Variants in PCDHA13 observed in about 807,000 individuals in gnomAD.
The protein encoded by PCDHA13 is protocadherin alpha 13.
PCDHA13 carries 54 observed loss-of-function variants against 64.8 expected under a neutral mutation model. The observed-to-expected ratio is 0.83, with a 90% CI of 0.67 to 1.04. The LOEUF (loss-of-function observed/expected upper bound fraction) is 1.04. Among genes scored for constraint, PCDHA13 ranks in the 50% least tolerant of loss-of-function variants. PCDHA13 has a pLI of 0.00. For synonymous variants in PCDHA13, 587 were observed against 564.4 expected (o/e 1.04, Z -0.57); for missense variants, 1,248 against 1,254.3 (o/e 0.99, Z 0.08).
intron 3 of PCDHA13, among the ~76,000 whole-genome samples, chr5:140,986,987 G>A (rs1269328331): frequency 2.6e-5 from 4 of 152,114 alleles, no homozygotes; most frequent in Non-Finnish European, 4.4e-5. Flanking sequence ...GCCAAGGCAG[G>A]CAGATCACTT....
rs1443126988 is a variant in PCDHA13 at position 140,960,088 on chromosome 5, A to G, written c.2395-18861A>G. Among the ~76,000 whole-genome samples, 6 of 152,248 alleles carry G rather than the reference A, an allele frequency of 3.9e-5. No homozygotes were observed. The East Asian group carries it at 5.8e-4, about 15-fold the overall frequency. ...TTCAATTGAAGTTTCTAAAAGAGAA[A>G]GAAACTTGTAGTTGTGGGAACAATA... On this transcript the variant is annotated intron_variant, in intron 1 of 3. Coordinates refer to ENST00000289272, the MANE Select transcript of PCDHA13 (RefSeq NM_018904.3).
At position 140,883,890 on chromosome 5, in the gene PCDHA13, G is replaced by T. The variant is rs2153398485; in HGVS notation, c.1622G>T (p.Gly541Val). Residue 541 changes from glycine (G) to valine (V), a missense_variant, in exon 1 of 4, where the codon GGC (glycine) becomes GTC (valine). Physicochemically the swap from Gly to Val is moderately radical, Grantham distance 109. Coordinates refer to ENST00000289272, the MANE Select transcript of PCDHA13 (RefSeq NM_018904.3). ...LQFQVSARDSGVPPLGSNVTL... is the reference protein window; with the variant it reads ...LQFQVSARDSVVPPLGSNVTL... Reference sequence around the variant, plus strand: ...TTCCAGGTGAGCGCGCGCGACTCTGGCGTGCCGCCTCTGGGCAGCAACGTG... The same window carrying T: ...TTCCAGGTGAGCGCGCGCGACTCTGTCGTGCCGCCTCTGGGCAGCAACGTG... The T allele has an allele frequency of 6.2e-7, 1 of 1,613,462 alleles. No homozygotes were observed. Among genetic ancestry groups the T allele is most frequent in the Non-Finnish European group, 8.5e-7 (1 of 1,179,874 alleles).
At chr5:140,910,137 T>A (rs2074898699) in intron 1 of PCDHA13, among the ~76,000 whole-genome samples, 1 of 152,232 alleles carries the variant, frequency 6.6e-6, no homozygotes, top group Non-Finnish European at 1.5e-5. Flanking sequence ...CTGGTTTAAG[T>A]CTGGAAATTG....
At chr5:140,982,359 C>T in intron 2 of PCDHA13, 116 bp from the exon 3 acceptor site, 1 of 1,523,712 alleles carries the variant, frequency 6.6e-7, no homozygotes. Context: ...CAAGCATGAG[C>T]AGAATGTGTT....
At chr5:140,964,998 G>C (rs2095868277) in intron 1 of PCDHA13, among the ~76,000 whole-genome samples, 1 of 152,166 alleles carries the variant, frequency 6.6e-6, no homozygotes, top group Admixed American at 6.5e-5. Flanking sequence ...TTTGAATTCT[G>C]GGTGTCAGGA....
At chr5:140,995,155 A>T (rs2097666869) in intron 3 of PCDHA13, among the ~76,000 whole-genome samples, 2 of 152,194 alleles carry the variant, frequency 1.3e-5, no homozygotes, top group Non-Finnish European at 2.9e-5. Flanking sequence ...CTTTATATAC[A>T]TTATGTTCTT....
At chr5:140,929,386 GAA>G in intron 1 of PCDHA13, 1 of 1,511,328 alleles carries the variant, frequency 6.6e-7, no homozygotes, top group Non-Finnish European at 8.9e-7. Context: ...GCTGTGTTTT[GAA>G]ATATTTCTTA....
At chr5:141,008,863 C>A (rs902385521) in intron 3 of PCDHA13, among the ~76,000 whole-genome samples, 2 of 152,204 alleles carry the variant, frequency 1.3e-5, no homozygotes, top group African/African-American at 2.4e-5. Flanking sequence ...CTCTTCCATG[C>A]TGCATCCCAC....
At chr5:140,983,299 A>T (rs1554245269) in intron 3 of PCDHA13, among the ~76,000 whole-genome samples, 1 of 152,186 alleles carries the variant, frequency 6.6e-6, no homozygotes. Flanking sequence ...GCTTAAACTC[A>T]CATTTGCTTG....
At chr5:140,970,316 A>G (rs547261671) in intron 1 of PCDHA13, among the ~76,000 whole-genome samples, 1 of 152,342 alleles carries the variant, frequency 6.6e-6, no homozygotes, top group African/African-American at 2.4e-5. Flanking sequence ...GTTAAATGAC[A>G]GTACTTCCAA....
chr5:141,010,506 C>A lies in PCDHA13; in HGVS notation c.*569C>A. ...CTTAAAGGGACCAGACTTTCTAAAT[C>A]TTACAACTCAAGAGGTGGCAGCCAC... is the stretch of plus-strand genomic sequence containing the variant. On this transcript the variant is annotated 3_prime_UTR_variant, in exon 4 of 4. Transcript: ENST00000289272. 1 of 549,534 alleles carries A rather than the reference C, an allele frequency of 1.8e-6. No homozygotes were observed. The highest frequency in any genetic ancestry group is 2.9e-6 in the Non-Finnish European group (1 of 344,162). 34.0% of individuals were successfully genotyped at this position (549,534 alleles called of 1,614,324 possible). A position where few individuals can be genotyped will look rare whatever the true frequency, so the allele number is the denominator to read the frequency against.
rs552832365 is a variant in PCDHA13, at chr5:140,928,668, T to C, written c.2394+44006T>C. ...TAGCAGAGGATGCTGACAGTGGTTC[T>C]AATGCCTGGCTTTCCTACCACATCT... is the stretch of plus-strand genomic sequence containing the variant. On this transcript the variant is annotated intron_variant, in intron 1 of 3. Transcript: ENST00000289272. The C allele has an allele frequency of 2.4e-4, 388 of 1,614,234 alleles. 3 individuals are homozygous for C. The South Asian group carries it at 4.0e-3, about 17-fold the overall frequency.
intron 1 of PCDHA13, among the ~76,000 whole-genome samples, chr5:140,936,730 T>C (rs2091111568): frequency 6.6e-6 from 1 of 152,258 alleles, no homozygotes; most frequent in Non-Finnish European, 1.5e-5. Flanking sequence ...GTGTTAAATA[T>C]AGTAACTTTT....
chr5:140,946,781 G>A (rs1006814243), intron 1 of PCDHA13, among the ~76,000 whole-genome samples: 6 of 151,330 alleles, frequency 4.0e-5, no homozygotes, highest in African/African-American at 1.2e-4. Flanking sequence ...ATGTAAAAAA[G>A]CTGATCTTAT....
intron 3 of PCDHA13, among the ~76,000 whole-genome samples, chr5:140,997,957 C>T (rs1051643572): frequency 6.6e-5 from 10 of 152,156 alleles, no homozygotes; most frequent in East Asian, 1.9e-4. Context: ...TTGGCATTCA[C>T]GTACCTGTGG....
intron 1 of PCDHA13, among the ~76,000 whole-genome samples, chr5:140,885,350 G>C (rs1050079674): frequency 6.6e-6 from 1 of 152,108 alleles, no homozygotes; most frequent in African/African-American, 2.4e-5. Context: ...ATTTCCAAAA[G>C]GTACTGGTGA....
intron 1 of PCDHA13, chr5:140,928,999 G>C: frequency 1.2e-6 from 2 of 1,613,936 alleles, no homozygotes; most frequent in Non-Finnish European, 1.7e-6. Context: ...ACTTTTCTTC[G>C]TGTGTACCAA....
At chr5:140,885,738 C>T (rs1160742683) in intron 1 of PCDHA13, among the ~76,000 whole-genome samples, 5 of 151,978 alleles carry the variant, frequency 3.3e-5, no homozygotes, top group African/African-American at 1.2e-4. Flanking sequence ...TGATATTTCA[C>T]TGTTACTTTA....
At chr5:140,932,899 CAAT>C (rs1317207926) in intron 1 of PCDHA13, among the ~76,000 whole-genome samples, 2 of 151,832 alleles carry the variant, frequency 1.3e-5, no homozygotes, top group Non-Finnish European at 3.0e-5. Context: ...TAGAGGGAAA[CAAT>C]AATATTTCAA....
Sources: gnomAD v4.1 joint callset for allele counts (sites outside exome capture counted in the v4.1 genomes callset) on GRCh38, gnomAD v4.1.1 for gene constraint, MANE v1.5 for transcripts, NCBI Gene and HGNC (gene_info 2026-07-23, HGNC 2026-07-21) for gene names.